Variants in SLCO4C1 observed in about 807,000 individuals in gnomAD.
SLCO4C1 encodes the protein solute carrier organic anion transporter family member 4C1.
A neutral mutation model predicts 72.1 loss-of-function variants in SLCO4C1; 58 were observed. The observed-to-expected ratio is 0.80, with a 90% confidence interval of 0.65 to 1.00. SLCO4C1 has a LOEUF of 1.00. Ranked by LOEUF, SLCO4C1 falls within the 50% of genes least tolerant of loss-of-function variation. SLCO4C1 has a pLI of 0.00. For missense variants in SLCO4C1, 898 were observed against 857.9 expected (o/e 1.05, Z -0.58); for synonymous variants, 297 against 312.5 (o/e 0.95, Z 0.52).
At chr5:102,263,184 G>T (rs1246083646) in intron 4 of SLCO4C1, among the ~76,000 whole-genome samples, 3 of 152,082 alleles carry the variant, frequency 2.0e-5, no homozygotes, top group Non-Finnish European at 4.4e-5. Context: ...AAAACATATG[G>T]TGTCTGGTAT....
In SLCO4C1 at chr5:102,249,678, A is replaced by G. The variant is rs780830811; in HGVS notation, c.1580T>C (p.Phe527Ser). The change falls in exon 9 of 13, where the codon TTT (phenylalanine) becomes TCT (serine). Residue 527 changes from phenylalanine (F) to serine (S), a missense_variant. Phe to Ser is a radical substitution (Grantham distance 155, BLOSUM62 -2). Coordinates refer to ENST00000310954, the MANE Select transcript of SLCO4C1 (RefSeq NM_180991.5). ...GDGVQYFSPC[F>S]AGCSNPVAHR... ...TGCAACTGGGTTTGAACAGCCTGCA[A>G]AGCAGGGAGAAAAATATTGGACTCC... The G allele has an allele frequency of 6.2e-7, 1 of 1,613,944 alleles. No individual in the cohort carries two copies. Among genetic ancestry groups the G allele is most frequent in the Admixed American group, 1.7e-5 (1 of 59,986 alleles).
At chr5:102,258,137 A>C (rs745850119) in intron 6 of SLCO4C1, 50 bp from the exon 7 acceptor site, 4 of 1,424,830 alleles carry the variant, frequency 2.8e-6, no homozygotes, top group Non-Finnish European at 2.8e-6. Context: ...ATTGTATTGC[A>C]AAGTACAGAA....
intron 6 of SLCO4C1, among the ~76,000 whole-genome samples, chr5:102,258,913 G>A (rs1434398557): frequency 6.6e-6 from 1 of 151,792 alleles, no homozygotes; most frequent in Non-Finnish European, 1.5e-5. Context: ...TTAAAAAATT[G>A]TCTTCAGATT....
intron 8 of SLCO4C1, among the ~76,000 whole-genome samples, 176 bp from the exon 9 acceptor site, chr5:102,249,964 C>A (rs955628039): frequency 6.6e-6 from 1 of 152,024 alleles, no homozygotes; most frequent in Non-Finnish European, 1.5e-5. Context: ...CGGAGAGAGG[C>A]AATAAAAACA....
At chr5:102,260,416 TATC>T (rs1748919617) in intron 5 of SLCO4C1, 97 bp from the exon 6 acceptor site, 1 of 240,974 alleles carries the variant, frequency 4.1e-6, no homozygotes, top group African/African-American at 2.4e-5. Flanking sequence ...AAACGTGCTC[TATC>T]ATTTTATTCT....
chr5:102,239,504 C>T lies in SLCO4C1; in HGVS notation c.1877-116G>A, dbSNP rs190466342. 2,586 of 668,346 alleles carry T rather than the reference C, an allele frequency of 3.9e-3. 8 individuals are homozygous for T. The highest frequency in any genetic ancestry group is 4.8e-3 in the Non-Finnish European group (2,251 of 467,892). The allele number at this position is 668,346 out of a possible 1,614,324, so 41.4% of individuals were successfully genotyped here. ...GAAATAAAAATAAGTATTCATCTGT[C>T]CACATGCAAATTAATTCATGTACAA... On this transcript the variant is annotated intron_variant, in intron 11 of 12. Coordinates refer to ENST00000310954, the MANE Select transcript of SLCO4C1 (RefSeq NM_180991.5).
At chr5:102,295,024 T>A (rs1213850210) in intron 1 of SLCO4C1, among the ~76,000 whole-genome samples, 1 of 152,218 alleles carries the variant, frequency 6.6e-6, no homozygotes, top group Non-Finnish European at 1.5e-5. Context: ...ATGTCCTTCT[T>A]GACTCCTCTC....
At position 102,291,445 on chromosome 5, in the gene SLCO4C1, T is replaced by C; in HGVS notation, c.517A>G (p.Arg173Gly). The change falls in exon 2 of 13, where the codon AGA becomes GGA. Residue 173 changes from arginine to glycine, a missense_variant. By Grantham distance (125) the Arg-to-Gly change is moderately radical. Coordinates refer to ENST00000310954, the MANE Select transcript of SLCO4C1 (RefSeq NM_180991.5). The part of the protein sequence containing the change: ...SFFGERGHKP[R>G]WLAFAAFMIG... ...ATAAAGGCTGCAAATGCAAGCCATC[T>C]CGGCTTATGTCCTCTTTCACCAAAG... 3.1e-6 allele frequency: 5 copies of C among 1,614,148 alleles called. No homozygotes were observed. The highest frequency in any genetic ancestry group is 4.2e-6 in the Non-Finnish European group (5 of 1,180,026).
Position 102,287,711 on chromosome 5 carries a change from AT to A in SLCO4C1, c.619+3631del, listed in dbSNP as rs377130287. On this transcript the variant is annotated intron_variant, in intron 2 of 12. Transcript: ENST00000310954. ...AGGCATATGCCACCACACATGGCTAATTTTTTTTTTCTTTTTGTATTTTTAG... is the reference window on the plus strand; with the variant it reads ...AGGCATATGCCACCACACATGGCTAATTTTTTTTTCTTTTTGTATTTTTAG... Among the ~76,000 whole-genome samples, 1,459 of 148,338 alleles carry A rather than the reference AT, an allele frequency of 9.8e-3. 14 individuals are homozygous for A. Among genetic ancestry groups the A allele is most frequent in the Non-Finnish European group, 0.016 (1,053 of 66,878 alleles).
chr5:102,257,962 G>A lies in SLCO4C1; in HGVS notation c.1254C>T (p.Ser418=). 1 of 1,604,982 alleles carries A rather than the reference G, an allele frequency of 6.2e-7. No homozygotes were observed. The highest frequency in any genetic ancestry group is 1.7e-5 in the Admixed American group (1 of 58,518). Residue 418 remains serine (S), a synonymous_variant, in exon 7 of 13, where the codon AGC becomes AGT. Coordinates refer to ENST00000310954, the MANE Select transcript of SLCO4C1 (RefSeq NM_180991.5). The part of the protein sequence containing the change: ...FIENQFGLTS[S]FAATLGGAVL... ...TTTTACCTCCAAGAGTAGCTGCGAA[G>A]CTGGATGTCAATCCGAATTGATTTT...
At chr5:102,267,382 T>C (rs1412443162) in intron 3 of SLCO4C1, among the ~76,000 whole-genome samples, 3 of 152,116 alleles carry the variant, frequency 2.0e-5, no homozygotes, top group Non-Finnish European at 4.4e-5. Flanking sequence ...AATTTATCCA[T>C]TTTCTCCAGG....
chr5:102,265,879 A>T (rs146949865), intron 3 of SLCO4C1, among the ~76,000 whole-genome samples: 81 of 152,262 alleles, frequency 5.3e-4, no homozygotes, highest in African/African-American at 1.8e-3. Context: ...GATTGCATTG[A>T]ATCTGTACAT....
At chr5:102,237,912 G>T (rs1295422626) in intron 12 of SLCO4C1, among the ~76,000 whole-genome samples, 1 of 152,124 alleles carries the variant, frequency 6.6e-6, no homozygotes, top group African/African-American at 2.4e-5. Context: ...CTGATTTTAA[G>T]TTCAGTTATA....
intron 2 of SLCO4C1, among the ~76,000 whole-genome samples, chr5:102,275,225 G>T (rs1050574895): frequency 2.0e-5 from 3 of 152,002 alleles, no homozygotes; most frequent in African/African-American, 7.2e-5. Context: ...TAGAAAAGAA[G>T]ATACAACGGA....
intron 3 of SLCO4C1, among the ~76,000 whole-genome samples, chr5:102,269,899 A>T (rs1480668955): frequency 2.0e-5 from 3 of 150,552 alleles, no homozygotes; most frequent in Non-Finnish European, 4.4e-5. Context: ...TTGGGTAGGT[A>T]CCCTTTGGGT....
chr5:102,261,286 C>G (rs1389218405), intron 5 of SLCO4C1, among the ~76,000 whole-genome samples: 1 of 152,010 alleles, frequency 6.6e-6, no homozygotes, highest in Non-Finnish European at 1.5e-5. Flanking sequence ...GTGGCACATG[C>G]CTGTAGTCCC....
At chr5:102,281,783 G>A (rs1475273426) in intron 2 of SLCO4C1, among the ~76,000 whole-genome samples, 1 of 152,130 alleles carries the variant, frequency 6.6e-6, no homozygotes, top group South Asian at 2.1e-4. Context: ...CAAATAAACC[G>A]AGTCACTCAT....
intron 10 of SLCO4C1, 56 bp downstream of exon 10, chr5:102,247,196 T>C: frequency 7.5e-7 from 1 of 1,331,826 alleles, no homozygotes; most frequent in Non-Finnish European, 1.0e-6. Flanking sequence ...CGAGTCCATT[T>C]GTTTTCCATC....
At position 102,234,558 on chromosome 5, in the gene SLCO4C1, T is replaced by C. The variant is rs1748399685; in HGVS notation, c.*2300A>G. 1 of 152,386 alleles carries C rather than the reference T, an allele frequency of 6.6e-6. No homozygotes were observed. The highest frequency in any genetic ancestry group is 1.5e-5 in the Non-Finnish European group (1 of 68,030). 9.4% of individuals were successfully genotyped at this position (152,386 alleles called of 1,614,324 possible). On this transcript the variant is annotated 3_prime_UTR_variant, in exon 13 of 13. Transcript: ENST00000310954. Reference sequence around the variant, plus strand: ...GCAGCCCTTGATAGCTAAGAATCTTTATAAACGCCAATGATTTAGTGACCT... The same window carrying C: ...GCAGCCCTTGATAGCTAAGAATCTTCATAAACGCCAATGATTTAGTGACCT...
Sources: allele counts gnomAD v4.1 joint callset (sites outside exome capture counted in the v4.1 genomes callset), GRCh38; gene constraint gnomAD v4.1.1; transcripts MANE v1.5; gene names NCBI Gene and HGNC (gene_info 2026-07-23, HGNC 2026-07-21).